CDAN1: variants seen among roughly 807,000 people sequenced by gnomAD.
CDAN1 encodes the protein codanin 1.
CDAN1 carries 107 observed loss-of-function variants against 139.8 expected under a neutral mutation model. That is an observed-to-expected ratio of 0.77 (90% confidence interval 0.65 to 0.90). The LOEUF is 0.90. CDAN1 is among the 40% of genes least tolerant of loss of function. The pLI, the probability that CDAN1 is intolerant of heterozygous loss-of-function variation, is 0.00. For synonymous variants in CDAN1, 776 were observed against 660.6 expected, an observed-to-expected ratio of 1.17 and a Z score of -2.68; for missense variants, 1,667 against 1,575.7, an observed-to-expected ratio of 1.06 and a Z score of -0.98.
In CDAN1 at chr15:42,729,068, T is replaced by C. The variant is rs752570417; in HGVS notation, c.2600A>G (p.Glu867Gly). The C allele has an allele frequency of 1.2e-6, 2 of 1,614,212 alleles. No homozygotes were observed. The highest frequency in any genetic ancestry group is 1.1e-5 in the South Asian group (1 of 91,080). The change falls in exon 19 of 28, where the codon GAG (glutamate) becomes GGG (glycine). Residue 867 changes from glutamate (E) to glycine (G), a missense_variant. Glu to Gly is a moderately conservative substitution (Grantham distance 98, BLOSUM62 -2). Coordinates refer to ENST00000356231, the MANE Select transcript of CDAN1 (RefSeq NM_138477.4). ...NQPPSLRRTV[E>G]FVAERIGSNC... ...TGATCCAATTCTTTCTGCCACGAAC[T>C]CTACGGTCCGGCGCAAGGAGGGCGG...
Position 42,736,714 on chromosome 15 carries a change from G to A in CDAN1, c.157C>T (p.Leu53=), listed in dbSNP as rs186189866. 25,124 of 1,560,556 alleles carry A rather than the reference G, an allele frequency of 0.016. 272 individuals carry two copies. Among genetic ancestry groups the A allele is most frequent in the Non-Finnish European group, 0.019 (22,533 of 1,156,948 alleles). ...RALRKEFVPF[L]LNFLREQSSR... ...CTCTGCTCCCTCAGGAAGTTCAACAGGAACGGTACGAATTCTTTCCGCAGG... is the reference window on the plus strand; with the variant it reads ...CTCTGCTCCCTCAGGAAGTTCAACAAGAACGGTACGAATTCTTTCCGCAGG... Residue 53 remains leucine, a synonymous_variant, in exon 2 of 28, where the codon CTG becomes TTG. Coordinates refer to ENST00000356231, the MANE Select transcript of CDAN1 (RefSeq NM_138477.4).
chr15:42,735,415 T>C (rs369682591), intron 4 of CDAN1, 41 bp from the exon 5 acceptor site: 2 of 1,592,010 alleles, frequency 1.3e-6, no homozygotes, highest in Admixed American at 1.8e-5. Flanking sequence ...ATGGGCACCA[T>C]TTGGAGCCAA....
In CDAN1 at chr15:42,727,836, CCATG is replaced by C. The variant is rs2061552129; in HGVS notation, c.2948-71_2948-68del. On this transcript the variant is annotated intron_variant, in intron 22 of 27. Transcript: ENST00000356231. ...CCCTGCACAGGTTCACCATGCTAAC[CCATG>C]CCTTTTGCTGTTTCCTACTGGCTCT... is the stretch of plus-strand genomic sequence containing the variant. The C allele has an allele frequency of 1.1e-5, 17 of 1,610,742 alleles. No individual in the cohort carries two copies. In the African/African-American group the frequency reaches 1.3e-4, roughly 13 times the overall value.
intron 1 of CDAN1, 85 bp downstream of exon 1, chr15:42,736,928 G>T (rs2061698380): frequency 2.0e-6 from 3 of 1,473,238 alleles, no homozygotes; most frequent in Non-Finnish European, 2.7e-6. Flanking sequence ...GCAGCCAGGC[G>T]CCCTAGAGGA....
intron 23 of CDAN1, chr15:42,726,966 A>C (rs1228853201): frequency 6.3e-6 from 1 of 159,296 alleles, no homozygotes; most frequent in Non-Finnish European, 1.4e-5. Context: ...ATTACCCTAG[A>C]CCAGAACCAG....
At chr15:42,731,491 A>G in intron 11 of CDAN1, 129 bp downstream of exon 11, 1 of 1,403,346 alleles carries the variant, frequency 7.1e-7, no homozygotes, top group Non-Finnish European at 1.0e-6. Flanking sequence ...AAGTGCAATG[A>G]AGCCAGCAAG....
At position 42,728,700 on chromosome 15, in the gene CDAN1, C is replaced by T. The variant is rs1474617904; in HGVS notation, c.2756G>A (p.Cys919Tyr). 1 of 1,614,192 alleles carries T rather than the reference C, an allele frequency of 6.2e-7. No homozygotes were observed. Among genetic ancestry groups the T allele is most frequent in the South Asian group, 1.1e-5 (1 of 91,090 alleles). Residue 919 changes from cysteine (C) to tyrosine (Y), a missense_variant, in exon 20 of 28, where the codon TGT becomes TAT. Coordinates refer to ENST00000356231, the MANE Select transcript of CDAN1 (RefSeq NM_138477.4). The stretch of plus-strand genomic sequence containing the variant: ...GGCCCCGTGAGGGCACAGCTGGGAA[C>T]ACAAGATCTCCAACAGCTGGGCTGG... Reference protein sequence around the residue: ...GDPAQLLEILCSQLCPHGAQA... With the variant: ...GDPAQLLEILYSQLCPHGAQA...
chr15:42,732,955 T>C, intron 9 of CDAN1, 142 bp downstream of exon 9: 2 of 736,302 alleles, frequency 2.7e-6, no homozygotes, highest in Non-Finnish European at 4.9e-6. Flanking sequence ...TATCAATAAC[T>C]AAAGAGATTT....
In CDAN1 at chr15:42,726,137, C is replaced by T; in HGVS notation, c.3228G>A (p.Gln1076=). 4 of 1,614,174 alleles carry T rather than the reference C, an allele frequency of 2.5e-6. No homozygotes were observed. The highest frequency in any genetic ancestry group is 3.4e-6 in the Non-Finnish European group (4 of 1,180,028). ...ACTCCACAGAGCACTTTGCCAGATG[C>T]TGCTCAGCAGGTGGGCACAGGAACT... ...CRQFLCPPAE[Q]HLAKCSVELA... is the part of the protein sequence containing the mutation. Residue 1076 remains glutamine (Q), a synonymous_variant, in exon 25 of 28, where the codon CAG becomes CAA. Coordinates refer to ENST00000356231, the MANE Select transcript of CDAN1 (RefSeq NM_138477.4).
chr15:42,735,289 G>A lies in CDAN1; in HGVS notation c.1029C>T (p.Ser343=), dbSNP rs776361633. Residue 343 remains serine, a synonymous_variant, in exon 5 of 28, where the codon AGC becomes AGT. Transcript: ENST00000356231. ...TARRMVTAKD[S]DPELSPAVLD... is the part of the protein sequence containing the mutation. ...GGACAGCTGGACTTAGTTCAGGGTC[G>A]CTGTCCTTGGCAGTCACCATCCTCC... The A allele has an allele frequency of 8.7e-6, 14 of 1,608,734 alleles. No homozygotes were observed. The highest frequency in any genetic ancestry group is 1.7e-5 in the Admixed American group (1 of 59,238).
At chr15:42,734,428 C>G (rs1309153977) in intron 6 of CDAN1, 82 bp from the exon 7 acceptor site, 4 of 1,567,232 alleles carry the variant, frequency 2.6e-6, no homozygotes, top group Admixed American at 1.7e-5. Context: ...CACAGAGGAT[C>G]TCTAAGGCAT....
chr15:42,737,080 A>G lies in CDAN1; in HGVS notation c.23T>C (p.Leu8Pro), dbSNP rs1159416089. MAAVLES[L>P]LREEVSVAAV... The stretch of plus-strand genomic sequence containing the variant: ...TGCGACCGACACCTCTTCTCGCAGC[A>G]GCGACTCCAAAACGGCCGCCATCCC... The change falls in exon 1 of 28, where the codon CTG (leucine) becomes CCG (proline). Residue 8 changes from leucine to proline, a missense_variant. Leu to Pro is a moderately conservative substitution (Grantham distance 98). Transcript: ENST00000356231. 1 of 1,527,080 alleles carries G rather than the reference A, an allele frequency of 6.5e-7. No individual in the cohort carries two copies. Among genetic ancestry groups the G allele is most frequent in the Non-Finnish European group, 8.8e-7 (1 of 1,135,320 alleles). 94.6% of individuals were successfully genotyped at this position (1,527,080 alleles called of 1,614,324 possible).
rs1483199949 is a variant in CDAN1 at position 42,724,274 on chromosome 15, T to C, written c.*217A>G. 2.1e-5 allele frequency: 12 copies of C among 585,074 alleles called. No individual in the cohort carries two copies. Among genetic ancestry groups the C allele is most frequent in the Non-Finnish European group, 2.7e-5 (9 of 327,788 alleles). The allele number at this position is 585,074 out of a possible 1,614,324, so 36.2% of individuals were successfully genotyped here. A position where few individuals can be genotyped will look rare whatever the true frequency, so the allele number is the denominator to read the frequency against. The stretch of plus-strand genomic sequence containing the variant: ...TCTTCTACTCCAGGACTGGCATCTC[T>C]GGACTTTTCTGCCATAATCCCAAAT... On this transcript the variant is annotated 3_prime_UTR_variant, in exon 28 of 28. Coordinates refer to ENST00000356231, the MANE Select transcript of CDAN1 (RefSeq NM_138477.4).
chr15:42,726,612 C>G (rs748541243), intron 23 of CDAN1, 195 bp from the exon 24 acceptor site: 5 of 599,080 alleles, frequency 8.3e-6, no homozygotes, highest in African/African-American at 5.5e-5. Context: ...ATGTGGACAA[C>G]AAAAGAGGGA....
chr15:42,724,559 G>T lies in CDAN1; in HGVS notation c.3616C>A (p.Pro1206Thr). Residue 1206 changes from proline to threonine, a missense_variant, in exon 28 of 28, where the codon CCA becomes ACA. By Grantham distance (38) the Pro-to-Thr change is conservative. Transcript: ENST00000356231. ...TCACAGGCTCTTAGCTGGGGTTCTG[G>T]CAGGTGGGGCTCGGCTAGAAACAGA... ...SNLFLAEPHLPEPQLRACELV... is the reference protein window; with the variant it reads ...SNLFLAEPHLTEPQLRACELV... The T allele has an allele frequency of 6.4e-7, 1 of 1,557,060 alleles. No individual in the cohort carries two copies. Among genetic ancestry groups the T allele is most frequent in the East Asian group, 2.4e-5 (1 of 41,552 alleles).
intron 8 of CDAN1, 135 bp downstream of exon 8, chr15:42,733,803 C>T: frequency 1.4e-6 from 1 of 706,988 alleles, no homozygotes; most frequent in Non-Finnish European, 2.6e-6. Flanking sequence ...CCTATGATGG[C>T]CGGCAGGAAG....
chr15:42,725,475 TC>T lies in CDAN1; in HGVS notation c.3450+13del. The T allele has an allele frequency of 6.2e-7, 1 of 1,614,136 alleles. No homozygotes were observed. Among genetic ancestry groups the T allele is most frequent in the South Asian group, 1.1e-5 (1 of 91,078 alleles). ...AGTGTGACTGCAGAGGGCTTCTTGT[TC>T]CGTCTGACTCACCTCCCTTGGCCTT... On this transcript the variant is annotated intron_variant, in intron 26 of 27. Coordinates refer to ENST00000356231, the MANE Select transcript of CDAN1 (RefSeq NM_138477.4).
chr15:42,732,390 G>A lies in CDAN1; in HGVS notation c.1476C>T (p.Leu492=), dbSNP rs201934948. 5 of 1,614,086 alleles carry A rather than the reference G, an allele frequency of 3.1e-6. No homozygotes were observed. The African/African-American group carries it at 4.0e-5, about 13-fold the overall frequency. ...GSRIRAMMGQ[L]SAACSHSHFV... is the part of the protein sequence containing the mutation. The stretch of plus-strand genomic sequence containing the variant: ...AGTGGCTGTGGCTGCAGGCTGCGGA[G>A]AGCTGACCCATCATGGCCCTGAGGA... The change falls in exon 10 of 28, where the codon CTC becomes CTT. Residue 492 remains leucine, a synonymous_variant. Coordinates refer to ENST00000356231, the MANE Select transcript of CDAN1 (RefSeq NM_138477.4).
intron 23 of CDAN1, chr15:42,726,949 C>T (rs1291076367): frequency 1.2e-5 from 2 of 162,302 alleles, no homozygotes; most frequent in Non-Finnish European, 2.7e-5. Flanking sequence ...ATCTCTATTC[C>T]TAGATCATTA....
Sources: gnomAD v4.1 joint callset for allele counts on GRCh38, gnomAD v4.1.1 for gene constraint, MANE v1.5 for transcripts, NCBI Gene and HGNC (gene_info 2026-07-23, HGNC 2026-07-21) for gene names.